Variants in KAT2B observed in about 807,000 individuals in gnomAD.
KAT2B encodes histone acetyltransferase KAT2B.
KAT2B carries 36 observed loss-of-function variants against 105.9 expected under a neutral mutation model. The ratio of observed to expected loss-of-function variants is 0.34; its 90% CI spans 0.26 to 0.45. The LOEUF (loss-of-function observed/expected upper bound fraction) is 0.45, where lower values mean the gene tolerates loss of function less well. Ranked by LOEUF, KAT2B falls within the 20% of genes least tolerant of loss-of-function variation. The pLI, the probability that KAT2B is intolerant of heterozygous loss-of-function variation, is 1.00. For synonymous variants in KAT2B, 397 were observed against 377.9 expected (o/e 1.05, Z -0.59); for missense variants, 820 against 1,021.6 (o/e 0.80, Z 2.69).
chr3:20,093,235 A>G (rs1217531284), intron 2 of KAT2B, among the ~76,000 whole-genome samples: 2 of 152,218 alleles, frequency 1.3e-5, no homozygotes, highest in African/African-American at 2.4e-5. Flanking sequence ...GGTGGCCAAT[A>G]AAGAGTGAAT....
At chr3:20,078,068 G>C (rs550302444) in intron 2 of KAT2B, among the ~76,000 whole-genome samples, 123 of 152,164 alleles carry the variant, frequency 8.1e-4, no homozygotes, top group African/African-American at 2.9e-3. Context: ...CCAGCTACTC[G>C]GGAGACTAAG....
intron 17 of KAT2B, chr3:20,149,089 G>A (rs1212856261): frequency 6.6e-6 from 1 of 152,172 alleles, no homozygotes; most frequent in Non-Finnish European, 1.5e-5. Context: ...GAATTGTGCA[G>A]TTTGGTGCTG....
intron 8 of KAT2B, among the ~76,000 whole-genome samples, chr3:20,121,940 G>A (rs1198212174): frequency 6.6e-6 from 1 of 151,972 alleles, no homozygotes; most frequent in African/African-American, 2.4e-5. Flanking sequence ...ACTCATTTGG[G>A]GTTGGTTTAT....
intron 2 of KAT2B, among the ~76,000 whole-genome samples, chr3:20,076,568 A>C (rs2125183986): frequency 6.6e-6 from 1 of 152,164 alleles, no homozygotes; most frequent in South Asian, 2.1e-4. Context: ...AGTTTCAAAC[A>C]CCCGTAAAGG....
At position 20,152,666 on chromosome 3, in the gene KAT2B, ACCT is replaced by A. The variant is rs1460664248; in HGVS notation, c.*145_*147del. ...ATTAGCACTTTTGAAAAAACAAAAA[ACCT>A]CCTTTTAGCTTTTCAGATATGTATT... On this transcript the variant is annotated 3_prime_UTR_variant, in exon 18 of 18. Coordinates refer to ENST00000263754, the MANE Select transcript of KAT2B (RefSeq NM_003884.5). The A allele has an allele frequency of 5.4e-6, 3 of 554,382 alleles. No homozygotes were observed. Among genetic ancestry groups the A allele is most frequent in the Non-Finnish European group, 6.1e-6 (2 of 325,992 alleles). 34.3% of individuals were successfully genotyped at this position (554,382 alleles called of 1,614,324 possible).
chr3:20,123,896 G>T (rs1437241626), intron 9 of KAT2B, among the ~76,000 whole-genome samples: 1 of 152,136 alleles, frequency 6.6e-6, no homozygotes, highest in East Asian at 1.9e-4. Flanking sequence ...GCATCTGAGG[G>T]CATGCAAGGC....
chr3:20,119,818 A>C, intron 8 of KAT2B, 95 bp downstream of exon 8: 1 of 1,335,152 alleles, frequency 7.5e-7, no homozygotes, highest in East Asian at 2.4e-5. Context: ...CCAAGTACAG[A>C]TTGTGCATGT....
chr3:20,047,789 T>A (rs1697841373), intron 1 of KAT2B, among the ~76,000 whole-genome samples: 1 of 151,996 alleles, frequency 6.6e-6, no homozygotes, highest in African/African-American at 2.4e-5. Context: ...AATTTTTTTG[T>A]ATTTTTAGTA....
In KAT2B at chr3:20,122,743, T is replaced by C; in HGVS notation, c.1352T>C (p.Met451Thr). ...CCCCGAGTTATGGGGGATATTCCGA[T>C]GGAATTAATCAACGAGGTTATGTCT... is the stretch of plus-strand genomic sequence containing the variant. ...KKPRVMGDIP[M>T]ELINEVMSTI... Residue 451 changes from methionine (M) to threonine (T), a missense_variant, in exon 9 of 18, where the codon ATG becomes ACG. By Grantham distance (81) the Met-to-Thr change is moderately conservative. This residue lies in a region of KAT2B where 225 missense variants were observed against 268.1 expected (regional missense o/e 0.84). Coordinates refer to ENST00000263754, the MANE Select transcript of KAT2B (RefSeq NM_003884.5). 1.2e-6 allele frequency: 2 copies of C among 1,614,092 alleles called. No homozygotes were observed. The highest frequency in any genetic ancestry group is 1.7e-6 in the Non-Finnish European group (2 of 1,179,938).
At chr3:20,136,879 T>C in intron 11 of KAT2B, 63 bp from the exon 12 acceptor site, 1 of 803,030 alleles carries the variant, frequency 1.2e-6, no homozygotes, top group Admixed American at 2.1e-5. Flanking sequence ...CATTTCCTGA[T>C]GGATTTGTAA....
chr3:20,086,239 A>G (rs1028571348), intron 2 of KAT2B, among the ~76,000 whole-genome samples: 1 of 151,346 alleles, frequency 6.6e-6, no homozygotes, highest in African/African-American at 2.4e-5. Flanking sequence ...TGCCACTACA[A>G]TCCAGCCTGG....
chr3:20,047,897 T>C (rs1464247592), intron 1 of KAT2B, among the ~76,000 whole-genome samples: 1 of 152,152 alleles, frequency 6.6e-6, no homozygotes, highest in African/African-American at 2.4e-5. Flanking sequence ...ATTACAGGCA[T>C]GAGCCACCAC....
At chr3:20,141,395 G>T (rs1486053458) in intron 13 of KAT2B, among the ~76,000 whole-genome samples, 2 of 151,942 alleles carry the variant, frequency 1.3e-5, no homozygotes, top group Non-Finnish European at 2.9e-5. Context: ...ATGATGAAAA[G>T]AACAGAACTG....
rs752088443 is a variant in KAT2B, at chr3:20,072,378, T to G, written c.349T>G (p.Ser117Ala). 1 of 1,613,176 alleles carries G rather than the reference T, an allele frequency of 6.2e-7. No homozygotes were observed. Among genetic ancestry groups the G allele is most frequent in the South Asian group, 1.1e-5 (1 of 91,044 alleles). ...TAATGGCTGGAAAAACCCTAACCCCTCACCCACTCCCCCCAGAGCCGACCT... is the reference window on the plus strand; with the variant it reads ...TAATGGCTGGAAAAACCCTAACCCCGCACCCACTCCCCCCAGAGCCGACCT... ...KCNGWKNPNP[S>A]PTPPRADLQQ... The change falls in exon 2 of 18, where the codon TCA becomes GCA. Residue 117 changes from serine to alanine, a missense_variant. By Grantham distance (99) the Ser-to-Ala change is moderately conservative. Around this residue, in one of 6 missense-constraint regions of KAT2B, gnomAD observed 190 missense variants for 176.7 expected, o/e 1.08. Transcript: ENST00000263754.
intron 2 of KAT2B, among the ~76,000 whole-genome samples, chr3:20,091,328 T>C (rs1334357833): frequency 6.6e-6 from 1 of 152,174 alleles, no homozygotes; most frequent in East Asian, 1.9e-4. Flanking sequence ...CCTTTGTATT[T>C]CTGTGGTATC....
intron 13 of KAT2B, among the ~76,000 whole-genome samples, chr3:20,144,445 T>C (rs777887377): frequency 1.9e-4 from 29 of 151,672 alleles, no homozygotes; most frequent in East Asian, 5.8e-4. Context: ...CCCGCCACCA[T>C]GCCCAGCTAA....
Position 20,149,283 on chromosome 3 carries a change from T to A in KAT2B, c.2305+796T>A, listed in dbSNP as rs189391020. Among the ~76,000 whole-genome samples the A allele has an allele frequency of 8.2e-4, 125 of 152,072 alleles. 1 individual carries two copies. The East Asian group carries it at 0.022, about 26-fold the overall frequency. On this transcript the variant is annotated intron_variant, in intron 17 of 17. Transcript: ENST00000263754. ...TCTACCTGTAATCTATTCCAGGTGC[T>A]AAGAACTGTGAAAGTCCAGCTTGGG...
intron 10 of KAT2B, among the ~76,000 whole-genome samples, chr3:20,126,451 C>T (rs1699405260): frequency 6.6e-6 from 1 of 151,706 alleles, no homozygotes; most frequent in Non-Finnish European, 1.5e-5. Flanking sequence ...AACTAGGTGC[C>T]ATTATTGCCC....
chr3:20,076,867 T>A (rs930626973), intron 2 of KAT2B, among the ~76,000 whole-genome samples: 2 of 152,242 alleles, frequency 1.3e-5, no homozygotes, highest in African/African-American at 4.8e-5. Context: ...GTAGTCACCA[T>A]TCTGAGCATG....
Sources: gnomAD v4.1 joint callset for allele counts (sites outside exome capture counted in the v4.1 genomes callset) on GRCh38, gnomAD v4.1.1 for gene constraint, gnomAD v4.1.1 regional missense constraint, MANE v1.5 for transcripts, NCBI Gene and HGNC (gene_info 2026-07-23, HGNC 2026-07-21) for gene names.